The following SCN10A variants were observed in gnomAD, a reference collection of about 807,000 sequenced individuals.
The protein encoded by SCN10A is sodium channel protein type 10 subunit alpha.
In SCN10A, 162 loss-of-function variants were observed where a neutral mutation model predicts 170.7. The ratio of observed to expected loss-of-function variants is 0.95; its 90% CI spans 0.84 to 1.08. SCN10A has a LOEUF of 1.08. Ranked by LOEUF, SCN10A falls within the 50% of genes least tolerant of loss-of-function variation. The probability of loss-of-function intolerance (pLI) is 0.00; values close to 1 mark genes in which losing one functional copy is unlikely to be tolerated. For synonymous variants in SCN10A, 985 were observed against 904.6 expected, an observed-to-expected ratio of 1.09 and a Z score of -1.59; for missense variants, 2,527 against 2,436.9, an observed-to-expected ratio of 1.04 and a Z score of -0.78.
chr3:38,798,115 T>G (rs183607280), intron 1 of SCN10A, among the ~76,000 whole-genome samples: 2 of 152,328 alleles, frequency 1.3e-5, no homozygotes, highest in East Asian at 3.9e-4. Context: ...AAGTAGTTTA[T>G]CTGAGAGCTA....
At chr3:38,785,712 A>G (rs967067136) in intron 4 of SCN10A, among the ~76,000 whole-genome samples, 5 of 152,210 alleles carry the variant, frequency 3.3e-5, no homozygotes, top group Non-Finnish European at 5.9e-5. Flanking sequence ...AGAATGGGAG[A>G]AAATTTTTGC....
intron 4 of SCN10A, among the ~76,000 whole-genome samples, chr3:38,776,739 A>C (rs565160041): frequency 3.3e-3 from 503 of 152,234 alleles, no homozygotes; most frequent in African/African-American, 0.012. Flanking sequence ...TGGAGTTCCC[A>C]GGGACAATTG....
chr3:38,708,995 T>A (rs2063241310), intron 25 of SCN10A, among the ~76,000 whole-genome samples: 1 of 152,222 alleles, frequency 6.6e-6, no homozygotes, highest in Non-Finnish European at 1.5e-5. Flanking sequence ...TGAGAGGTTA[T>A]CTGGGATTCG....
chr3:38,795,081 G>A (rs11721285), intron 1 of SCN10A, among the ~76,000 whole-genome samples: 17,684 of 151,968 alleles, frequency 0.12, 1,186 homozygotes, highest in Middle Eastern at 0.2. Flanking sequence ...ATTTAAAGAT[G>A]CTTAACTTTC....
chr3:38,762,871 C>T (rs978242828), intron 6 of SCN10A, among the ~76,000 whole-genome samples: 1 of 152,146 alleles, frequency 6.6e-6, no homozygotes, highest in Non-Finnish European at 1.5e-5. Flanking sequence ...AGAGGGGAAG[C>T]ATCAAGTCCC....
intron 26 of SCN10A, among the ~76,000 whole-genome samples, chr3:38,703,269 C>T (rs2125983814): frequency 6.6e-6 from 1 of 152,308 alleles, no homozygotes; most frequent in Admixed American, 6.5e-5. Flanking sequence ...CCACTCTTGG[C>T]TATTATCCTA....
At chr3:38,749,424 C>A (rs182782223) in intron 13 of SCN10A, among the ~76,000 whole-genome samples, 1 of 152,212 alleles carries the variant, frequency 6.6e-6, no homozygotes, top group Non-Finnish European at 1.5e-5. Context: ...GATGCAATCA[C>A]GCTCTATGGC....
intron 26 of SCN10A, 79 bp from the exon 27 acceptor site, chr3:38,702,188 T>C: frequency 2.1e-6 from 3 of 1,436,764 alleles, no homozygotes; most frequent in Non-Finnish European, 2.8e-6. Flanking sequence ...TAGATGAGTT[T>C]TGTCTCCATC....
chr3:38,808,053 A>T (rs1320376904), intron 1 of SCN10A, among the ~76,000 whole-genome samples: 2 of 152,146 alleles, frequency 1.3e-5, no homozygotes, highest in Non-Finnish European at 2.9e-5. Context: ...GGGTTTAGAC[A>T]TTCACATTCA....
At chr3:38,725,987 T>C (rs2063450163) in intron 17 of SCN10A, among the ~76,000 whole-genome samples, 1 of 152,228 alleles carries the variant, frequency 6.6e-6, no homozygotes, top group Non-Finnish European at 1.5e-5. Flanking sequence ...TCCTGAGGCC[T>C]CACAGGGTTC....
At position 38,755,779 on chromosome 3, in the gene SCN10A, G is replaced by T; in HGVS notation, c.1461+9C>A. The stretch of plus-strand genomic sequence containing the variant: ...GGTAATCTTTAGAGCACAAACCTGA[G>T]CCTCTTACCATCCTGCGCTGGTTGT... On this transcript the variant is annotated intron_variant, in intron 11 of 27. Transcript: ENST00000449082. The T allele has an allele frequency of 6.2e-7, 1 of 1,613,152 alleles. No individual in the cohort carries two copies. The highest frequency in any genetic ancestry group is 8.5e-7 in the Non-Finnish European group (1 of 1,179,972).
chr3:38,753,367 A>G (rs1182231886), intron 11 of SCN10A, among the ~76,000 whole-genome samples: 2 of 152,160 alleles, frequency 1.3e-5, no homozygotes, highest in Non-Finnish European at 2.9e-5. Context: ...CAAAATCTAA[A>G]CATTGACTTC....
chr3:38,723,616 G>C, intron 18 of SCN10A, 63 bp from the exon 19 acceptor site: 13 of 1,534,082 alleles, frequency 8.5e-6, no homozygotes, highest in Non-Finnish European at 1.1e-5. Flanking sequence ...AATTGCACAC[G>C]GTCACTGCAG....
chr3:38,810,323 G>C (rs1049371413), intron 1 of SCN10A, among the ~76,000 whole-genome samples: 10 of 152,108 alleles, frequency 6.6e-5, no homozygotes, highest in Non-Finnish European at 1.5e-4. Context: ...CCAGTATAAC[G>C]CAGCCCTTCA....
chr3:38,771,022 T>TC (rs1315254246), intron 5 of SCN10A, among the ~76,000 whole-genome samples: 3 of 152,068 alleles, frequency 2.0e-5, no homozygotes, highest in African/African-American at 7.2e-5. Context: ...GAGGCAGGTT[T>TC]CCCCCCCTCA....
chr3:38,712,529 G>T lies in SCN10A; in HGVS notation c.3805-84C>A, dbSNP rs1575939176. 3 of 1,414,806 alleles carry T rather than the reference G, an allele frequency of 2.1e-6. No individual in the cohort carries two copies. The East Asian group carries it at 6.9e-5, about 33-fold the overall frequency. 87.6% of individuals were successfully genotyped at this position (1,414,806 alleles called of 1,614,324 possible). A position where few individuals can be genotyped will look rare whatever the true frequency, so the allele number is the denominator to read the frequency against. ...TCTATCTCTTTCTATACTCATTCAG[G>T]CTGCTTCATGAGCCAGTGGCCTTTG... On this transcript the variant is annotated intron_variant, in intron 22 of 27. Coordinates refer to ENST00000449082, the MANE Select transcript of SCN10A (RefSeq NM_006514.4).
intron 1 of SCN10A, among the ~76,000 whole-genome samples, chr3:38,805,097 C>G (rs1575188162): frequency 6.6e-6 from 1 of 152,092 alleles, no homozygotes; most frequent in Non-Finnish European, 1.5e-5. Context: ...CATGACTAAG[C>G]TAATTATAAG....
intron 1 of SCN10A, among the ~76,000 whole-genome samples, chr3:38,810,142 C>T (rs751474702): frequency 7.9e-5 from 12 of 152,192 alleles, no homozygotes; most frequent in Non-Finnish European, 1.3e-4. Context: ...TGTTAATCTT[C>T]TTAAACATTA....
chr3:38,767,741 T>C (rs981875675), intron 5 of SCN10A, among the ~76,000 whole-genome samples: 32 of 152,176 alleles, frequency 2.1e-4, no homozygotes, highest in Admixed American at 2.1e-3. Context: ...GTTTTTTAAA[T>C]ATCTGTTAAG....
Sources: allele counts gnomAD v4.1 joint callset (sites outside exome capture counted in the v4.1 genomes callset), GRCh38; gene constraint gnomAD v4.1.1; transcripts MANE v1.5; gene names NCBI Gene and HGNC (gene_info 2026-07-23, HGNC 2026-07-21).